Variants in MEIS2 observed in about 807,000 individuals in gnomAD.
The protein encoded by MEIS2 is homeobox protein Meis2.
MEIS2 carries 9 observed loss-of-function variants against 58.6 expected under a neutral mutation model. The ratio of observed to expected loss-of-function variants is 0.15; its 90% confidence interval spans 0.09 to 0.27. MEIS2 has a LOEUF of 0.27. MEIS2 is among the 10% of genes least tolerant of loss of function. The pLI, the probability that MEIS2 is intolerant of heterozygous loss-of-function variation, is 1.00. For missense variants in MEIS2, 427 were observed against 635.0 expected (o/e 0.67, Z 3.52); for synonymous variants, 221 against 228.4 (o/e 0.97, Z 0.29).
chr15:36,955,684 T>C (rs1004275223), intron 8 of MEIS2, among the ~76,000 whole-genome samples: 7 of 152,188 alleles, frequency 4.6e-5, no homozygotes, highest in Non-Finnish European at 1.0e-4. Context: ...TTGTCTGAGC[T>C]TCTAGCCAGT....
chr15:37,086,301 T>C (rs1033392750), intron 6 of MEIS2, among the ~76,000 whole-genome samples: 1 of 152,206 alleles, frequency 6.6e-6, no homozygotes, highest in African/African-American at 2.4e-5. Context: ...CAGAAGGACT[T>C]CCTGTAACTG....
At chr15:37,072,012 T>A (rs1230912440) in intron 7 of MEIS2, among the ~76,000 whole-genome samples, 2 of 152,234 alleles carry the variant, frequency 1.3e-5, no homozygotes, top group African/African-American at 4.8e-5. Context: ...ACCTGCATGT[T>A]ACTGTGGACT....
chr15:36,903,831 T>C (rs1456681795), intron 9 of MEIS2: 3 of 152,228 alleles, frequency 2.0e-5, no homozygotes, highest in African/African-American at 7.2e-5. Flanking sequence ...GTATTAATTC[T>C]CTATCCTACT....
chr15:37,052,846 G>T (rs2062981703), intron 7 of MEIS2, among the ~76,000 whole-genome samples: 1 of 152,128 alleles, frequency 6.6e-6, no homozygotes, highest in African/African-American at 2.4e-5. Context: ...CAAAAGCAAA[G>T]GGTCACGTGT....
chr15:37,029,114 A>G (rs1210767223), intron 8 of MEIS2, among the ~76,000 whole-genome samples: 1 of 152,194 alleles, frequency 6.6e-6, no homozygotes, highest in Non-Finnish European at 1.5e-5. Context: ...TTCCATTCAA[A>G]TAATTCACAG....
chr15:37,096,093 G>A (rs1894199889), intron 3 of MEIS2, 196 bp downstream of exon 3: 2 of 566,916 alleles, frequency 3.5e-6, no homozygotes, highest in Non-Finnish European at 6.0e-6. Flanking sequence ...TGCTGGGGGG[G>A]AAAACAAACA....
At chr15:37,001,651 A>C (rs187563036) in intron 8 of MEIS2, among the ~76,000 whole-genome samples, 96 of 152,156 alleles carry the variant, frequency 6.3e-4, no homozygotes, top group African/African-American at 2.3e-3. Flanking sequence ...ATTAGCTTAC[A>C]CTTAGATCAG....
chr15:36,939,561 T>C (rs992670741), intron 9 of MEIS2, among the ~76,000 whole-genome samples: 2 of 152,108 alleles, frequency 1.3e-5, no homozygotes, highest in South Asian at 4.1e-4. Flanking sequence ...TTTTTTTTAA[T>C]TTGTTAATGA....
intron 8 of MEIS2, among the ~76,000 whole-genome samples, chr15:36,975,692 T>C (rs1452442911): frequency 6.6e-6 from 1 of 152,094 alleles, no homozygotes; most frequent in African/African-American, 2.4e-5. Context: ...TGGCACACAA[T>C]AGACGATGTT....
At chr15:36,953,692 C>T (rs2058845591) in intron 8 of MEIS2, among the ~76,000 whole-genome samples, 1 of 152,170 alleles carries the variant, frequency 6.6e-6, no homozygotes, top group Non-Finnish European at 1.5e-5. Flanking sequence ...TGAATATCAA[C>T]TGACAACTGT....
intron 7 of MEIS2, among the ~76,000 whole-genome samples, chr15:37,046,844 T>C (rs1335614978): frequency 1.3e-5 from 2 of 150,792 alleles, no homozygotes; most frequent in Non-Finnish European, 3.0e-5. Context: ...AAAATATATA[T>C]ATATATATAT....
chr15:36,959,999 A>C (rs2059125967), intron 8 of MEIS2, among the ~76,000 whole-genome samples: 1 of 152,108 alleles, frequency 6.6e-6, no homozygotes, highest in Admixed American at 6.5e-5. Context: ...CCATTACAAC[A>C]TTTCTTTAGT....
At chr15:37,095,800 G>T in intron 3 of MEIS2, 186 bp from the exon 4 acceptor site, 1 of 822,080 alleles carries the variant, frequency 1.2e-6, no homozygotes. Flanking sequence ...TTCTGGTCCT[G>T]GCCCCATTAA....
At chr15:37,067,418 G>C (rs1890096986) in intron 7 of MEIS2, among the ~76,000 whole-genome samples, 1 of 151,882 alleles carries the variant, frequency 6.6e-6, no homozygotes, top group South Asian at 2.1e-4. Flanking sequence ...AGTAAAGAAT[G>C]GAACCTTGCC....
Position 37,022,700 on chromosome 15 carries a change from C to T in MEIS2, c.900+14114G>A, listed in dbSNP as rs146130156. Among the ~76,000 whole-genome samples, 419 of 152,184 alleles carry T rather than the reference C, an allele frequency of 2.8e-3. 2 individuals carry two copies. The highest frequency in any genetic ancestry group is 9.7e-3 in the African/African-American group (403 of 41,516). The stretch of plus-strand genomic sequence containing the variant: ...TGTCGCCCAGGTTGGAGTGCAGTGG[C>T]GCAAGCTCAGCTCACTGCAACCTCG... On this transcript the variant is annotated intron_variant, in intron 8 of 11. Coordinates refer to ENST00000561208, the MANE Select transcript of MEIS2 (RefSeq NM_170675.5).
intron 9 of MEIS2, among the ~76,000 whole-genome samples, chr15:36,906,651 G>GAAAAA (rs56715244): frequency 2.8e-4 from 27 of 96,416 alleles, no homozygotes; most frequent in Admixed American, 4.2e-4. Flanking sequence ...AGCCACTCAA[G>GAAAAA]AAAAAAAAAA....
chr15:36,990,686 G>A (rs1289460014), intron 8 of MEIS2, among the ~76,000 whole-genome samples: 1 of 151,734 alleles, frequency 6.6e-6, no homozygotes, highest in Non-Finnish European at 1.5e-5. Flanking sequence ...AACATACAAT[G>A]GACCAATTTA....
Position 36,895,147 on chromosome 15 carries a change from C to T in MEIS2, c.1147+4G>A, listed in dbSNP as rs777056149. The T allele has an allele frequency of 6.2e-7, 1 of 1,612,826 alleles. No individual in the cohort carries two copies. Among genetic ancestry groups the T allele is most frequent in the Admixed American group, 1.7e-5 (1 of 59,978 alleles). On this transcript the variant is annotated splice_donor_region_variant and intron_variant, in intron 11 of 11. Coordinates refer to ENST00000561208, the MANE Select transcript of MEIS2 (RefSeq NM_170675.5). Reference sequence around the variant, plus strand: ...AAGCCCAGAGGCGGGATGAGCCAACCTACCTGCAGGCCGGATCCCCATGTG... The same window carrying T: ...AAGCCCAGAGGCGGGATGAGCCAACTTACCTGCAGGCCGGATCCCCATGTG...
intron 8 of MEIS2, among the ~76,000 whole-genome samples, chr15:37,032,391 G>A (rs574929774): frequency 4.6e-5 from 7 of 152,290 alleles, no homozygotes; most frequent in South Asian, 4.1e-4. Flanking sequence ...GTTTTTTCAC[G>A]TCAGCCTGGG....
Sources: gnomAD v4.1 joint callset for allele counts (sites outside exome capture counted in the v4.1 genomes callset) on GRCh38, gnomAD v4.1.1 for gene constraint, MANE v1.5 for transcripts, NCBI Gene and HGNC (gene_info 2026-07-23, HGNC 2026-07-21) for gene names.